DLG2: variants seen among roughly 807,000 people sequenced by gnomAD.
DLG2 encodes discs large MAGUK scaffold protein 2, also known as disks large homolog 2.
DLG2 carries 45 observed loss-of-function variants against 132.5 expected under a neutral mutation model. The ratio of observed to expected loss-of-function variants is 0.34; its 90% CI spans 0.27 to 0.44. The LOEUF (loss-of-function observed/expected upper bound fraction) is 0.44, where lower values mean the gene tolerates loss of function less well. DLG2 is among the 20% of genes least tolerant of loss of function. DLG2 has a pLI of 1.00. For missense variants in DLG2, 1,045 were observed against 1,196.9 expected, an observed-to-expected ratio of 0.87 and a Z score of 1.87; for synonymous variants, 424 against 419.6, an observed-to-expected ratio of 1.01 and a Z score of -0.13.
At chr11:83,571,792 A>G (rs1304236502) in intron 19 of DLG2, among the ~76,000 whole-genome samples, 1 of 152,164 alleles carries the variant, frequency 6.6e-6, no homozygotes, top group Non-Finnish European at 1.5e-5. Flanking sequence ...GTATGGGATC[A>G]AAGGTGAATT....
chr11:85,039,356 C>T (rs111382695), intron 6 of DLG2, among the ~76,000 whole-genome samples: 45 of 151,982 alleles, frequency 3.0e-4, no homozygotes, highest in South Asian at 1.9e-3. Flanking sequence ...GATCAGTACA[C>T]GCCAAATGCT....
intron 17 of DLG2, among the ~76,000 whole-genome samples, chr11:83,809,087 C>T (rs902712229): frequency 1.3e-5 from 2 of 152,102 alleles, no homozygotes; most frequent in East Asian, 1.9e-4. Context: ...GTTGATTTAT[C>T]GTGCTTTATT....
intron 18 of DLG2, among the ~76,000 whole-genome samples, chr11:83,784,509 T>A (rs1405326524): frequency 6.6e-6 from 1 of 152,220 alleles, no homozygotes; most frequent in East Asian, 1.9e-4. Context: ...CAATCTGTAC[T>A]TTGGCATTTT....
intron 6 of DLG2, among the ~76,000 whole-genome samples, chr11:85,060,758 G>GT (rs1390199069): frequency 6.6e-6 from 1 of 151,506 alleles, no homozygotes; most frequent in East Asian, 1.9e-4. Context: ...ACTCAAAACT[G>GT]TTTTCCGTGG....
chr11:85,437,205 G>C (rs1363150827), intron 3 of DLG2, among the ~76,000 whole-genome samples: 1 of 151,876 alleles, frequency 6.6e-6, no homozygotes, highest in Admixed American at 6.6e-5. Flanking sequence ...TGCATGTGGG[G>C]CTTAAAACCT....
chr11:83,634,628 A>G (rs1459118103), intron 18 of DLG2, among the ~76,000 whole-genome samples: 1 of 152,202 alleles, frequency 6.6e-6, no homozygotes, highest in Non-Finnish European at 1.5e-5. Context: ...TAAAACAAGG[A>G]TGAATGTATA....
At chr11:84,368,582 A>C (rs1303053500) in intron 7 of DLG2, among the ~76,000 whole-genome samples, 1 of 152,126 alleles carries the variant, frequency 6.6e-6, no homozygotes, top group Non-Finnish European at 1.5e-5. Flanking sequence ...ATGTGGTCTA[A>C]GTTAGATATT....
At chr11:83,964,806 T>C (rs756704551) in intron 13 of DLG2, among the ~76,000 whole-genome samples, 2 of 151,932 alleles carry the variant, frequency 1.3e-5, no homozygotes, top group Non-Finnish European at 2.9e-5. Context: ...GACTGATAAT[T>C]TTCTCCAGCT....
chr11:85,274,108 G>A (rs575161346), intron 4 of DLG2, among the ~76,000 whole-genome samples: 2 of 99,062 alleles, frequency 2.0e-5, no homozygotes, highest in African/African-American at 7.0e-5. Context: ...CTGTCGTGGG[G>A]TGGGTGGAGA....
intron 3 of DLG2, among the ~76,000 whole-genome samples, chr11:85,569,629 A>G (rs116423032): frequency 0.015 from 2,349 of 152,230 alleles, 60 homozygotes; most frequent in African/African-American, 0.053. Context: ...GCTCATTATC[A>G]TTAATCCTCA....
chr11:85,418,038 G>A (rs758252972), intron 3 of DLG2, among the ~76,000 whole-genome samples: 9 of 152,058 alleles, frequency 5.9e-5, no homozygotes, highest in Admixed American at 6.5e-5. Flanking sequence ...TTAGGGTGTC[G>A]ATTTTAGATC....
chr11:83,750,334 T>C (rs73511041), intron 18 of DLG2, among the ~76,000 whole-genome samples: 2,376 of 152,264 alleles, frequency 0.016, 69 homozygotes, highest in African/African-American at 0.055. Context: ...ATGAGGAATG[T>C]TTTCTTAACA....
chr11:84,254,601 CTG>C (rs1317266455), intron 7 of DLG2, among the ~76,000 whole-genome samples: 1 of 152,208 alleles, frequency 6.6e-6, no homozygotes, highest in Admixed American at 6.5e-5. Context: ...GATACCAAGA[CTG>C]TGACTACTTT....
chr11:85,533,734 G>C (rs1289957171), intron 3 of DLG2, among the ~76,000 whole-genome samples: 5 of 152,064 alleles, frequency 3.3e-5, no homozygotes, highest in Non-Finnish European at 5.9e-5. Context: ...TCTACCTCTT[G>C]TAAGAATCTA....
intron 8 of DLG2, among the ~76,000 whole-genome samples, chr11:84,204,077 C>A (rs1047530231): frequency 6.6e-6 from 1 of 152,170 alleles, no homozygotes; most frequent in South Asian, 2.1e-4. Flanking sequence ...CCTGCCTCAG[C>A]CTCCCGAATA....
chr11:85,614,825 T>G (rs948073179), intron 2 of DLG2, among the ~76,000 whole-genome samples: 1 of 152,230 alleles, frequency 6.6e-6, no homozygotes, highest in Non-Finnish European at 1.5e-5. Flanking sequence ...AATTTTAGAC[T>G]GAGGGAAATA....
rs113150881 is a variant in DLG2, at chr11:83,824,301, C to G, written c.1722+9313G>C. Among the ~76,000 whole-genome samples, 81 of 152,208 alleles carry G rather than the reference C, an allele frequency of 5.3e-4. 1 individual carries two copies. The highest frequency in any genetic ancestry group is 1.7e-3 in the African/African-American group (72 of 41,518). On this transcript the variant is annotated intron_variant, in intron 17 of 27. Coordinates refer to ENST00000376104, the MANE Select transcript of DLG2 (RefSeq NM_001142699.3). ...GGTCTCTTCTTTACGCCCATGTGGT[C>G]CCTGGAACTTACCGTTAGCATTTCC...
At chr11:84,067,144 C>T (rs2096686686) in intron 10 of DLG2, among the ~76,000 whole-genome samples, 1 of 151,974 alleles carries the variant, frequency 6.6e-6, no homozygotes, top group Non-Finnish European at 1.5e-5. Context: ...ACCAGCCAGA[C>T]CAACATGGTG....
At chr11:83,522,313 T>C (rs1361256556) in intron 21 of DLG2, among the ~76,000 whole-genome samples, 1 of 133,526 alleles carries the variant, frequency 7.5e-6, no homozygotes, top group Non-Finnish European at 1.6e-5. Flanking sequence ...GCTGTGTGTA[T>C]ATGTATGTGT....
Sources: gnomAD v4.1 joint callset for allele counts (sites outside exome capture counted in the v4.1 genomes callset) on GRCh38, gnomAD v4.1.1 for gene constraint, MANE v1.5 for transcripts, NCBI Gene and HGNC (gene_info 2026-07-23, HGNC 2026-07-21) for gene names.